Variants in DISC1 observed in about 807,000 individuals in gnomAD.
DISC1 encodes disrupted in schizophrenia 1 protein.
A neutral mutation model predicts 84.5 loss-of-function variants in DISC1; 57 were observed. The ratio of observed to expected loss-of-function variants is 0.67; its 90% CI spans 0.55 to 0.84. The LOEUF (loss-of-function observed/expected upper bound fraction) is 0.84. Ranked by LOEUF, DISC1 falls within the 40% of genes least tolerant of loss-of-function variation. The probability of loss-of-function intolerance (pLI) is 0.00; values close to 1 mark genes in which losing one functional copy is unlikely to be tolerated. For synonymous variants in DISC1, 411 were observed against 415.2 expected, an observed-to-expected ratio of 0.99 and a Z score of 0.12; for missense variants, 1,000 against 1,057.8, an observed-to-expected ratio of 0.95 and a Z score of 0.76.
At chr1:231,845,607 C>T (rs1287301158) in intron 9 of DISC1, among the ~76,000 whole-genome samples, 2 of 152,110 alleles carry the variant, frequency 1.3e-5, no homozygotes, top group African/African-American at 2.4e-5. Flanking sequence ...ATGGCAACAG[C>T]GAGCACGCCA....
chr1:231,895,556 G>C (rs1185168967), intron 9 of DISC1, among the ~76,000 whole-genome samples: 1 of 150,968 alleles, frequency 6.6e-6, no homozygotes, highest in Non-Finnish European at 1.5e-5. Flanking sequence ...AGATCAATAA[G>C]GTTTTAAAAA....
At chr1:231,887,340 C>G (rs1022372227) in intron 9 of DISC1, among the ~76,000 whole-genome samples, 1 of 152,194 alleles carries the variant, frequency 6.6e-6, no homozygotes, top group Non-Finnish European at 1.5e-5. Flanking sequence ...AGTGCCTTGA[C>G]TTCTTCACTT....
intron 8 of DISC1, among the ~76,000 whole-genome samples, chr1:231,811,272 G>T (rs1340195393): frequency 6.6e-6 from 1 of 152,210 alleles, no homozygotes; most frequent in Non-Finnish European, 1.5e-5. Context: ...CAGGGAGAAG[G>T]GGGTTGGGGA....
chr1:231,642,941 G>A (rs2059844476), intron 1 of DISC1, among the ~76,000 whole-genome samples: 2 of 152,190 alleles, frequency 1.3e-5, no homozygotes, highest in Non-Finnish European at 2.9e-5. Flanking sequence ...AAACCGTTAT[G>A]AAAATGTACT....
intron 9 of DISC1, among the ~76,000 whole-genome samples, chr1:231,834,459 G>A (rs2082479601): frequency 6.6e-6 from 1 of 152,162 alleles, no homozygotes; most frequent in Non-Finnish European, 1.5e-5. Context: ...TGGACGTCAG[G>A]CATCTCAGAC....
intron 4 of DISC1, among the ~76,000 whole-genome samples, 183 bp from the exon 5 acceptor site, chr1:231,766,957 C>G (rs978718648): frequency 2.6e-5 from 4 of 152,120 alleles, no homozygotes; most frequent in Non-Finnish European, 5.9e-5. Flanking sequence ...GCAAAAATCA[C>G]AAGAGATTGT....
intron 9 of DISC1, among the ~76,000 whole-genome samples, chr1:231,893,305 G>A (rs201702702): frequency 2.7e-4 from 41 of 152,160 alleles, no homozygotes; most frequent in Non-Finnish European, 5.4e-4. Context: ...TGGATCATGT[G>A]TATATGTGCG....
chr1:231,663,842 T>C (rs772624936), intron 1 of DISC1, among the ~76,000 whole-genome samples: 8 of 152,228 alleles, frequency 5.3e-5, no homozygotes, highest in South Asian at 2.1e-4. Flanking sequence ...ATTACTGTTA[T>C]ATAGATGCAG....
intron 9 of DISC1, among the ~76,000 whole-genome samples, chr1:231,839,956 C>G (rs183224354): frequency 7.7e-4 from 117 of 152,252 alleles, no homozygotes; most frequent in African/African-American, 2.7e-3. Flanking sequence ...CAGCACCTCC[C>G]ACAAGGCCCC....
At chr1:231,877,873 T>G (rs2125975538) in intron 9 of DISC1, among the ~76,000 whole-genome samples, 1 of 152,330 alleles carries the variant, frequency 6.6e-6, no homozygotes, top group African/African-American at 2.4e-5. Flanking sequence ...AAAAAATGAC[T>G]TAATAGCTAA....
intron 10 of DISC1, among the ~76,000 whole-genome samples, chr1:231,963,205 C>G (rs1051256561): frequency 6.6e-6 from 1 of 152,100 alleles, no homozygotes; most frequent in Non-Finnish European, 1.5e-5. Context: ...CCCATCATCA[C>G]CCTATTGTAG....
chr1:231,818,586 ATG>A, intron 9 of DISC1, 69 bp downstream of exon 9: 2 of 1,601,116 alleles, frequency 1.2e-6, no homozygotes, highest in South Asian at 2.2e-5. Flanking sequence ...GCCAGGCAGA[ATG>A]TTCTGTGCCT....
At chr1:231,797,710 C>T (rs958755754) in intron 7 of DISC1, among the ~76,000 whole-genome samples, 1 of 152,148 alleles carries the variant, frequency 6.6e-6, no homozygotes, top group Non-Finnish European at 1.5e-5. Flanking sequence ...CATCTCCAAC[C>T]ATTGCACATA....
chr1:231,684,975 A>C (rs2064084105), intron 1 of DISC1: 1 of 152,266 alleles, frequency 6.6e-6, no homozygotes, highest in Admixed American at 6.5e-5. Context: ...CCAACAGGGT[A>C]GAGTGGCTCG....
At chr1:231,966,608 C>T (rs1661148235) in intron 10 of DISC1, among the ~76,000 whole-genome samples, 1 of 152,234 alleles carries the variant, frequency 6.6e-6, no homozygotes, top group African/African-American at 2.4e-5. Flanking sequence ...TTCCATTTAA[C>T]TGATGGAATC....
intron 9 of DISC1, among the ~76,000 whole-genome samples, chr1:231,893,644 G>A (rs1304669179): frequency 2.0e-5 from 3 of 152,092 alleles, no homozygotes; most frequent in Non-Finnish European, 4.4e-5. Context: ...TGCGGGGCAT[G>A]CTATTCTCAT....
intron 10 of DISC1, among the ~76,000 whole-genome samples, chr1:231,966,564 G>A (rs1661145387): frequency 6.6e-6 from 1 of 152,140 alleles, no homozygotes; most frequent in South Asian, 2.1e-4. Flanking sequence ...GGACCAAGTG[G>A]GCCAAGCCCT....
chr1:231,734,641 C>G (rs769161299), intron 3 of DISC1, among the ~76,000 whole-genome samples: 5 of 152,150 alleles, frequency 3.3e-5, no homozygotes, highest in Non-Finnish European at 5.9e-5. Context: ...CAAATTCTTG[C>G]TGGGGAAGAA....
intron 9 of DISC1, among the ~76,000 whole-genome samples, chr1:231,876,876 A>G (rs2085923110): frequency 6.6e-6 from 1 of 152,102 alleles, no homozygotes; most frequent in African/African-American, 2.4e-5. Flanking sequence ...TCCCACCCTC[A>G]TTGTTAATGG....
Sources: gnomAD v4.1 joint callset for allele counts (sites outside exome capture counted in the v4.1 genomes callset) on GRCh38, gnomAD v4.1.1 for gene constraint, MANE v1.5 for transcripts, NCBI Gene and HGNC (gene_info 2026-07-23, HGNC 2026-07-21) for gene names.